SYK: variants seen among roughly 807,000 people sequenced by gnomAD.
SYK encodes the protein tyrosine-protein kinase SYK.
In SYK, 16 loss-of-function variants were observed where a neutral mutation model predicts 77.8. The ratio of observed to expected loss-of-function variants is 0.21; its 90% CI spans 0.14 to 0.31. The LOEUF is 0.31. SYK is among the 10% of genes least tolerant of loss of function. The pLI is 1.00. For missense variants in SYK, 529 were observed against 814.4 expected (o/e 0.65, Z 4.26); for synonymous variants, 312 against 308.7 (o/e 1.01, Z -0.11).
At chr9:90,855,621 A>C (rs1282781733) in intron 3 of SYK, among the ~76,000 whole-genome samples, 1 of 152,034 alleles carries the variant, frequency 6.6e-6, no homozygotes, top group Non-Finnish European at 1.5e-5. Context: ...AGGGCCACCC[A>C]TGGAGCCCGT....
chr9:90,813,419 C>A (rs866433598), intron 1 of SYK, among the ~76,000 whole-genome samples: 4 of 150,756 alleles, frequency 2.7e-5, no homozygotes, highest in Non-Finnish European at 5.9e-5. Flanking sequence ...AGAATTGTGG[C>A]TTAGACCTGT....
At chr9:90,892,814 G>A (rs1004460697) in intron 13 of SYK, among the ~76,000 whole-genome samples, 1 of 152,230 alleles carries the variant, frequency 6.6e-6, no homozygotes, top group Non-Finnish European at 1.5e-5. Context: ...TCTGCCGAAT[G>A]GAGAAATTTC....
At position 90,895,550 on chromosome 9, in the gene SYK, G is replaced by A. The variant is rs139348511; in HGVS notation, c.1858G>A (p.Ala620Thr). 5.4e-5 allele frequency: 87 copies of A among 1,614,080 alleles called. No homozygotes were observed. The African/African-American group carries it at 7.3e-4, about 14-fold the overall frequency. The change falls in exon 14 of 14, where the codon GCA becomes ACA. Residue 620 changes from alanine to threonine, a missense_variant. Ala to Thr is a moderately conservative substitution (Grantham distance 58). Around this residue, in one of 2 missense-constraint regions of SYK, gnomAD observed 208 missense variants for 381.3 expected, o/e 0.55. Transcript: ENST00000375754. The surrounding 1 kb of genome is among the most constrained non-coding windows in gnomAD (Gnocchi z 4.4). ...TYDVENRPGF[A>T]AVELRLRNYY... is the part of the protein sequence containing the mutation. ...CAGTGTGGAAAACAGGCCCGGATTCGCAGCAGTGGAACTGCGGCTGCGCAA... is the reference window on the plus strand; with the variant it reads ...CAGTGTGGAAAACAGGCCCGGATTCACAGCAGTGGAACTGCGGCTGCGCAA...
intron 1 of SYK, among the ~76,000 whole-genome samples, chr9:90,810,927 G>A (rs1478276149): frequency 6.6e-6 from 1 of 152,074 alleles, no homozygotes; most frequent in Non-Finnish European, 1.5e-5. Flanking sequence ...GAGGTGCAGG[G>A]CCATGGATGA....
chr9:90,848,106 C>T (rs1222720261), intron 3 of SYK, among the ~76,000 whole-genome samples: 1 of 152,082 alleles, frequency 6.6e-6, no homozygotes, highest in African/African-American at 2.4e-5. Flanking sequence ...TTGTGGAGAG[C>T]AGGGAGAGTT....
intron 6 of SYK, 102 bp from the exon 7 acceptor site, chr9:90,867,018 GAGGGGGTTAGT>G (rs1827524660): frequency 8.8e-7 from 1 of 1,130,744 alleles, no homozygotes; most frequent in Non-Finnish European, 1.3e-6. Flanking sequence ...GCAGGGACAG[GAGGGGGTTAGT>G]GGTGCGATTA....
At chr9:90,863,210 G>A (rs553132220) in intron 4 of SYK, among the ~76,000 whole-genome samples, 27 of 152,304 alleles carry the variant, frequency 1.8e-4, no homozygotes, top group African/African-American at 6.5e-4. Flanking sequence ...TCTTCGCAGA[G>A]CATCCTATAA....
intron 1 of SYK, among the ~76,000 whole-genome samples, chr9:90,806,196 T>G (rs1468302514): frequency 6.6e-6 from 1 of 152,192 alleles, no homozygotes; most frequent in East Asian, 1.9e-4. Context: ...CCCAACTTTC[T>G]GACATAAAGA....
chr9:90,863,962 G>A (rs1827369903), intron 4 of SYK, among the ~76,000 whole-genome samples: 1 of 152,208 alleles, frequency 6.6e-6, no homozygotes, highest in African/African-American at 2.4e-5. Flanking sequence ...GTAGATCATA[G>A]CATTCATCCC....
intron 2 of SYK, 55 bp from the exon 3 acceptor site, chr9:90,845,379 A>G: frequency 6.4e-7 from 1 of 1,559,920 alleles, no homozygotes; most frequent in African/African-American, 1.4e-5. Context: ...TGCCTTCTGC[A>G]TCATTTTCAT....
Position 90,884,640 on chromosome 9 carries a change from TATATACAC to T in SYK, c.1582-3096_1582-3089del, listed in dbSNP as rs1163229668. Reference sequence around the variant, plus strand: ...ATATACACATATGTGTACATGTACATATATACACATATACACATATGTGTACATGTACA... The same window carrying T: ...ATATACACATATGTGTACATGTACATATATACACATATGTGTACATGTACA... On this transcript the variant is annotated intron_variant, in intron 11 of 13. Transcript: ENST00000375754. 8.1e-5 allele frequency among the ~76,000 whole-genome samples: 4 copies of T among 49,328 alleles called. 2 individuals carry two copies. Among genetic ancestry groups the T allele is most frequent in the Non-Finnish European group, 1.5e-4 (4 of 27,484 alleles). The allele number at this position is 49,328 out of a possible 152,430, so 32.4% of individuals were successfully genotyped here. A position where few individuals can be genotyped will look rare whatever the true frequency, so the allele number is the denominator to read the frequency against.
At chr9:90,830,452 T>G (rs925683393) in intron 1 of SYK, among the ~76,000 whole-genome samples, 3 of 152,260 alleles carry the variant, frequency 2.0e-5, no homozygotes, top group Admixed American at 2.0e-4. Context: ...CATGCTTGTT[T>G]GCAGAGCCTG....
intron 3 of SYK, among the ~76,000 whole-genome samples, chr9:90,857,779 C>G: frequency 6.6e-6 from 1 of 152,150 alleles, no homozygotes; most frequent in East Asian, 1.9e-4. Context: ...TGAGAACTGC[C>G]CACCCAACCC....
In SYK at chr9:90,844,331, T is replaced by A. The variant is rs767306766; in HGVS notation, c.417+16T>A. Reference sequence around the variant, plus strand: ...GAACCTGCAGGTGGGCCACAGCTGGTCCTGCTCCCTGGGCCCAGGGGGCCC... The same window carrying A: ...GAACCTGCAGGTGGGCCACAGCTGGACCTGCTCCCTGGGCCCAGGGGGCCC... On this transcript the variant is annotated intron_variant, in intron 2 of 13. Transcript: ENST00000375754. 1 of 1,566,184 alleles carries A rather than the reference T, an allele frequency of 6.4e-7. No individual in the cohort carries two copies. The highest frequency in any genetic ancestry group is 1.4e-5 in the African/African-American group (1 of 73,586).
chr9:90,876,015 G>A (rs995439803), intron 9 of SYK, among the ~76,000 whole-genome samples: 5 of 152,174 alleles, frequency 3.3e-5, no homozygotes, highest in South Asian at 2.1e-4. Context: ...GCCGGGTGCC[G>A]TGGCTCATGC....
intron 3 of SYK, among the ~76,000 whole-genome samples, chr9:90,855,666 A>G (rs1055886484): frequency 8.0e-4 from 120 of 149,090 alleles, no homozygotes; most frequent in Admixed American, 1.3e-3. Flanking sequence ...TTGAGTGAAT[A>G]TGTGTGTGTG....
intron 1 of SYK, among the ~76,000 whole-genome samples, chr9:90,840,569 A>AT (rs1404096386): frequency 5.4e-4 from 82 of 151,796 alleles, no homozygotes; most frequent in African/African-American, 1.7e-3. Context: ...AAAAAAAAAA[A>AT]AAAAAAACTG....
At chr9:90,856,136 G>A (rs1044470284) in intron 3 of SYK, among the ~76,000 whole-genome samples, 1 of 152,202 alleles carries the variant, frequency 6.6e-6, no homozygotes, top group Non-Finnish European at 1.5e-5. Flanking sequence ...TAATAGCTCT[G>A]TGATTTGGAC....
rs1188344240 is a variant in SYK at position 90,884,856 on chromosome 9, T to C, written c.1582-2893T>C. 6.4e-5 allele frequency among the ~76,000 whole-genome samples: 4 copies of C among 62,794 alleles called. 1 individual carries two copies. The highest frequency in any genetic ancestry group is 6.2e-4 in the Admixed American group (4 of 6,436). The allele number at this position is 62,794 out of a possible 152,430, so 41.2% of individuals were successfully genotyped here. A position where few individuals can be genotyped will look rare whatever the true frequency, so the allele number is the denominator to read the frequency against. ...GTGTATATACATATACACACATATG[T>C]GTGTATATACATATATACATATATA... On this transcript the variant is annotated intron_variant, in intron 11 of 13. Transcript: ENST00000375754.
Sources: allele counts gnomAD v4.1 joint callset (sites outside exome capture counted in the v4.1 genomes callset), GRCh38; gene constraint gnomAD v4.1.1; regional missense constraint gnomAD v4.1.1; non-coding constraint Gnocchi (gnomAD v3.1); transcripts MANE v1.5; gene names NCBI Gene and HGNC (gene_info 2026-07-23, HGNC 2026-07-21).